Variants in DMBX1 observed in about 807,000 individuals in gnomAD.
DMBX1 encodes the protein diencephalon/mesencephalon homeobox 1.
DMBX1 carries 7 observed loss-of-function variants against 30.4 expected under a neutral mutation model. That is an observed-to-expected ratio of 0.23 (90% CI 0.13 to 0.43). DMBX1 has a LOEUF of 0.43. DMBX1 is among the 20% of genes least tolerant of loss of function. The pLI is 1.00. For missense variants in DMBX1, 460 were observed against 508.5 expected (o/e 0.90, Z 0.92); for synonymous variants, 222 against 214.2 (o/e 1.04, Z -0.32).
Position 46,514,432 on chromosome 1 carries a change from C to A in DMBX1, c.*1938C>A, listed in dbSNP as rs1242783285. On this transcript the variant is annotated 3_prime_UTR_variant, in exon 6 of 6. Transcript: ENST00000360032. Reference sequence around the variant, plus strand: ...GAAGTAGGAAATTACTATTGCCTTTCTGTGGAGCAAGGGGTGTTGTACACA... The same window carrying A: ...GAAGTAGGAAATTACTATTGCCTTTATGTGGAGCAAGGGGTGTTGTACACA... Among the ~76,000 whole-genome samples, 1 of 152,214 alleles carries A rather than the reference C, an allele frequency of 6.6e-6. No homozygotes were observed. The highest frequency in any genetic ancestry group is 1.5e-5 in the Non-Finnish European group (1 of 68,030).
chr1:46,506,215 G>A (rs541281948), intron 2 of DMBX1, among the ~76,000 whole-genome samples: 11 of 152,308 alleles, frequency 7.2e-5, no homozygotes, highest in Admixed American at 3.9e-4. Context: ...GCGCCACCAT[G>A]CCCAGCTAAT....
rs1666381725 is a variant in DMBX1, at chr1:46,511,982, C to T, written c.683-61C>T. 3.3e-6 allele frequency: 5 copies of T among 1,517,582 alleles called. No individual in the cohort carries two copies. In the East Asian group the frequency reaches 9.1e-5, roughly 28 times the overall value. 94.0% of individuals were successfully genotyped at this position (1,517,582 alleles called of 1,614,324 possible). On this transcript the variant is annotated intron_variant, in intron 5 of 5. Transcript: ENST00000360032. ...AAGGAGGTGAGAAGGCTGAGTGCAC[C>T]TCTCCTGGCAGACCAATGCCCTTGT...
In DMBX1 at chr1:46,501,192, C is replaced by CCCTTCCTTCCTT. The variant is rs1553186644; in HGVS notation, c.-12-5794_-12-5783dup. Among the ~76,000 whole-genome samples, 495 of 67,840 alleles carry CCCTTCCTTCCTT rather than the reference C, an allele frequency of 7.3e-3. 15 individuals are homozygous for CCCTTCCTTCCTT. Among genetic ancestry groups the CCCTTCCTTCCTT allele is most frequent in the Middle Eastern group, 0.014 (2 of 138 alleles). 44.5% of individuals were successfully genotyped at this position (67,840 alleles called of 152,430 possible). On this transcript the variant is annotated intron_variant, in intron 2 of 5. Transcript: ENST00000360032. The stretch of plus-strand genomic sequence containing the variant: ...TCTCTTTCTTTCTGTTTCTTTCTCT[C>CCCTTCCTTCCTT]CCTTCCTTCCTTCCTTCCTTCCTTT...
rs1486969216 is a variant in DMBX1 at position 46,493,603 on chromosome 1, G to A, written c.-13+2820G>A. 1.3e-5 allele frequency among the ~76,000 whole-genome samples: 2 copies of A among 152,212 alleles called. No individual in the cohort carries two copies. Among genetic ancestry groups the A allele is most frequent in the Non-Finnish European group, 2.9e-5 (2 of 68,032 alleles). On this transcript the variant is annotated intron_variant, in intron 2 of 5. Coordinates refer to ENST00000360032, the MANE Select transcript of DMBX1 (RefSeq NM_172225.2). The surrounding 1 kb of genome is among the most constrained non-coding windows in gnomAD (Gnocchi z 4.1). ...TCCCTGGATATGACAGCGGCAGGAG[G>A]GAGCACATTTCCCAGATGGGGTCAC...
rs1030155414 is a variant in DMBX1 at position 46,493,263 on chromosome 1, G to C, written c.-13+2480G>C. 6.6e-6 allele frequency among the ~76,000 whole-genome samples: 1 copy of C among 152,176 alleles called. No individual in the cohort carries two copies. Among genetic ancestry groups the C allele is most frequent in the Non-Finnish European group, 1.5e-5 (1 of 68,036 alleles). On this transcript the variant is annotated intron_variant, in intron 2 of 5. Transcript: ENST00000360032. This position sits in a 1 kb window ranked among gnomAD's most constrained non-coding sequence, Gnocchi z 4.1. ...CGCTGGGGTGGGTTGGTGAGCTTTC[G>C]GCAGGGTGTGTGTTCTGGTCTCCAC...
chr1:46,499,090 G>A (rs1199577539), intron 2 of DMBX1, among the ~76,000 whole-genome samples: 2 of 150,606 alleles, frequency 1.3e-5, no homozygotes, highest in Non-Finnish European at 3.0e-5. Context: ...CACCCAGGCT[G>A]CAGTGGCGCG....
Position 46,493,896 on chromosome 1 carries a change from T to G in DMBX1, c.-13+3113T>G, listed in dbSNP as rs1278796983. Among the ~76,000 whole-genome samples, 1 of 152,242 alleles carries G rather than the reference T, an allele frequency of 6.6e-6. No homozygotes were observed. The highest frequency in any genetic ancestry group is 1.5e-5 in the Non-Finnish European group (1 of 68,042). ...AGAGCAGCTCTGCTCCTCAGGGTAC[T>G]CTGTAGTCCCTGTTTCCCAGCCCCG... On this transcript the variant is annotated intron_variant, in intron 2 of 5. Transcript: ENST00000360032. The surrounding 1 kb of genome is among the most constrained non-coding windows in gnomAD (Gnocchi z 4.1).
rs374555836 is a variant in DMBX1, at chr1:46,512,322, C to T, written c.962C>T (p.Ala321Val). 4 of 1,613,632 alleles carry T rather than the reference C, an allele frequency of 2.5e-6. No homozygotes were observed. The African/African-American group carries it at 5.3e-5, about 22-fold the overall frequency. The change falls in exon 6 of 6, where the codon GCA becomes GTA. Residue 321 changes from alanine (A) to valine (V), a missense_variant. This residue lies in a region of DMBX1 where 334 missense variants were observed against 345.1 expected (regional missense o/e 0.97). Coordinates refer to ENST00000360032, the MANE Select transcript of DMBX1 (RefSeq NM_172225.2). The surrounding 1 kb of genome is among the most constrained non-coding windows in gnomAD (Gnocchi z 4.8). ...CAGTCCTACTACCAGTCCCTGTCAG[C>T]AGCCGCTGCTGCCCACCAGGGTGTG... ...HCQSYYQSLS[A>V]AAAAHQGVWG...
At chr1:46,506,894 A>T in intron 2 of DMBX1, 105 bp from the exon 3 acceptor site, 1 of 1,310,174 alleles carries the variant, frequency 7.6e-7, no homozygotes, top group Non-Finnish European at 1.1e-6. Flanking sequence ...GGAGCTTCTG[A>T]CCCATCAGAA....
chr1:46,490,365 A>G (rs1246330471), intron 1 of DMBX1, among the ~76,000 whole-genome samples: 1 of 152,136 alleles, frequency 6.6e-6, no homozygotes, highest in African/African-American at 2.4e-5. Context: ...CCCCTGAAAA[A>G]AAAAATACAA....
chr1:46,501,127 CTTTCT>C (rs530893980), intron 2 of DMBX1, among the ~76,000 whole-genome samples: 2 of 151,886 alleles, frequency 1.3e-5, no homozygotes, highest in Admixed American at 6.6e-5. Context: ...AAACAATGAC[CTTTCT>C]TTTCTTTTCC....
intron 2 of DMBX1, among the ~76,000 whole-genome samples, chr1:46,499,552 T>G (rs1666085158): frequency 6.6e-6 from 1 of 152,250 alleles, no homozygotes; most frequent in Non-Finnish European, 1.5e-5. Context: ...CATTTCTGAA[T>G]CTGTAAAATG....
intron 1 of DMBX1, among the ~76,000 whole-genome samples, 102 bp downstream of exon 1, chr1:46,489,979 G>A (rs1035563307): frequency 6.6e-6 from 1 of 152,150 alleles, no homozygotes; most frequent in Non-Finnish European, 1.5e-5. Context: ...CTCCCCTCTT[G>A]CGGTCCTGCA....
At chr1:46,501,213 C>CCTTCCTTCCTTT (rs1179560561) in intron 2 of DMBX1, among the ~76,000 whole-genome samples, 217 of 74,498 alleles carry the variant, frequency 2.9e-3, no homozygotes, top group African/African-American at 0.01. Context: ...TTCCTTCCTT[C>CCTTCCTTCCTTT]CTTTCTTTCT....
At chr1:46,505,900 C>T (rs1466202848) in intron 2 of DMBX1, among the ~76,000 whole-genome samples, 3 of 151,922 alleles carry the variant, frequency 2.0e-5, no homozygotes, top group Non-Finnish European at 2.9e-5. Context: ...GTAGACTCAA[C>T]TGCAAGTGGG....
intron 2 of DMBX1, among the ~76,000 whole-genome samples, chr1:46,492,995 G>A (rs1002068161): frequency 9.2e-5 from 14 of 151,968 alleles, no homozygotes; most frequent in South Asian, 4.2e-4. Context: ...CCCTATTCCC[G>A]CCACTCTCTC....
intron 2 of DMBX1, among the ~76,000 whole-genome samples, chr1:46,496,434 A>C (rs1271332803): frequency 6.6e-6 from 1 of 152,176 alleles, no homozygotes; most frequent in East Asian, 1.9e-4. Flanking sequence ...AGGCCAGCCA[A>C]AGGGACTCAC....
At chr1:46,503,203 C>G (rs769792201) in intron 2 of DMBX1, among the ~76,000 whole-genome samples, 1 of 152,248 alleles carries the variant, frequency 6.6e-6, no homozygotes, top group Non-Finnish European at 1.5e-5. Flanking sequence ...TTCCTGAGAG[C>G]TCCACATGGC....
rs544191833 is a variant in DMBX1 at position 46,496,483 on chromosome 1, G to A, written c.-13+5700G>A. 3.3e-5 allele frequency among the ~76,000 whole-genome samples: 5 copies of A among 152,328 alleles called. No homozygotes were observed. In the East Asian group the frequency reaches 9.6e-4, roughly 29 times the overall value. Reference sequence around the variant, plus strand: ...CAACTCCTCATCTGCAATGTGGAGAGCGCCTCCCTCATAGACTTGGGGTAA... The same window carrying A: ...CAACTCCTCATCTGCAATGTGGAGAACGCCTCCCTCATAGACTTGGGGTAA... On this transcript the variant is annotated intron_variant, in intron 2 of 5. Transcript: ENST00000360032.
Sources: allele counts gnomAD v4.1 joint callset (sites outside exome capture counted in the v4.1 genomes callset), GRCh38; gene constraint gnomAD v4.1.1; regional missense constraint gnomAD v4.1.1; non-coding constraint Gnocchi (gnomAD v3.1); transcripts MANE v1.5; gene names NCBI Gene and HGNC (gene_info 2026-07-23, HGNC 2026-07-21).